PTPRM: variants seen among roughly 807,000 people sequenced by gnomAD.
PTPRM encodes the protein protein tyrosine phosphatase receptor type M, also known as receptor-type tyrosine-protein phosphatase mu.
A neutral mutation model predicts 186.7 loss-of-function variants in PTPRM; 47 were observed. That is an observed-to-expected ratio of 0.25 (90% CI 0.20 to 0.32). PTPRM has a LOEUF of 0.32. PTPRM is among the 10% of genes least tolerant of loss of function. The pLI is 1.00. For missense variants in PTPRM, 1,494 were observed against 1,865.0 expected, an observed-to-expected ratio of 0.80 and a Z score of 3.66; for synonymous variants, 668 against 674.9, an observed-to-expected ratio of 0.99 and a Z score of 0.16.
intron 1 of PTPRM, among the ~76,000 whole-genome samples, chr18:7,765,073 A>C (rs2041956182): frequency 6.6e-6 from 1 of 152,230 alleles, no homozygotes; most frequent in South Asian, 2.1e-4. Context: ...ATTTGGTTGC[A>C]TCTGTACAAT....
chr18:7,918,568 A>T (rs112378681), intron 4 of PTPRM, among the ~76,000 whole-genome samples: 1 of 152,124 alleles, frequency 6.6e-6, no homozygotes, highest in Non-Finnish European at 1.5e-5. Context: ...GCTCTTACTT[A>T]ACAACAGAAT....
intron 2 of PTPRM, among the ~76,000 whole-genome samples, chr18:7,856,119 A>G (rs918174383): frequency 1.8e-4 from 28 of 152,220 alleles, no homozygotes; most frequent in African/African-American, 6.7e-4. Flanking sequence ...CTGATTTGTA[A>G]TTAGTGAAGT....
At chr18:8,253,515 C>T (rs1177779305) in intron 19 of PTPRM, 101 bp downstream of exon 19, 7 of 1,102,606 alleles carry the variant, frequency 6.3e-6, no homozygotes, top group Non-Finnish European at 8.3e-6. Flanking sequence ...AAACCCCCTG[C>T]CCCGAGAGAT....
At chr18:8,084,099 C>G (rs2090301650) in intron 9 of PTPRM, among the ~76,000 whole-genome samples, 1 of 152,126 alleles carries the variant, frequency 6.6e-6, no homozygotes, top group Non-Finnish European at 1.5e-5. Context: ...TCTCCCCTTC[C>G]CCTACCAGAC....
At chr18:7,866,278 T>TA (rs1292186653) in intron 2 of PTPRM, among the ~76,000 whole-genome samples, 1 of 152,212 alleles carries the variant, frequency 6.6e-6, no homozygotes, top group Middle Eastern at 3.2e-3. Flanking sequence ...ATTGTGACGT[T>TA]AGAGTGTCCA....
At chr18:7,842,861 C>CATAT (rs57856136) in intron 2 of PTPRM, among the ~76,000 whole-genome samples, 4,319 of 80,760 alleles carry the variant, frequency 0.053, 291 homozygotes, top group East Asian at 0.17. Context: ...GAGAGAGAAA[C>CATAT]ATATATATAT....
At chr18:7,902,836 T>G (rs377412731) in intron 3 of PTPRM, among the ~76,000 whole-genome samples, 1 of 54,478 alleles carries the variant, frequency 1.8e-5, no homozygotes, top group African/African-American at 3.7e-5. Context: ...TTCTCTGCCT[T>G]TTTTTTTTTT....
chr18:8,252,497 A>G lies in PTPRM; in HGVS notation c.2564A>G (p.Asn855Ser), dbSNP rs763030438. The G allele has an allele frequency of 1.3e-6, 2 of 1,549,116 alleles. No homozygotes were observed. Among genetic ancestry groups the G allele is most frequent in the Non-Finnish European group, 1.8e-6 (2 of 1,120,872 alleles). The change falls in exon 18 of 33, where the codon AAT (asparagine) becomes AGT (serine). Residue 855 changes from asparagine to serine, a missense_variant and splice_region_variant. Physicochemically the swap from Asn to Ser is conservative, Grantham distance 46. Coordinates refer to ENST00000580170, the MANE Select transcript of PTPRM (RefSeq NM_001105244.2). ...FVPTAILVPI[N>S]DETHTMASDT... is the part of the protein sequence containing the mutation. ...TGTATCTTCTTAAAAGTGCCAATAAATGGTAAGTTCCCCGATTCGCCCCAT... is the reference window on the plus strand; with the variant it reads ...TGTATCTTCTTAAAAGTGCCAATAAGTGGTAAGTTCCCCGATTCGCCCCAT...
rs67547673 is a variant in PTPRM, at chr18:8,209,989, T to TAAAAAAA, written c.2301-34045_2301-34039dup. 5.2e-4 allele frequency among the ~76,000 whole-genome samples: 41 copies of TAAAAAAA among 78,704 alleles called. 2 individuals carry two copies. The highest frequency in any genetic ancestry group is 7.6e-4 in the Non-Finnish European group (31 of 41,042). The allele number at this position is 78,704 out of a possible 152,430, so 51.6% of individuals were successfully genotyped here. On this transcript the variant is annotated intron_variant, in intron 14 of 32. Transcript: ENST00000580170. ...TGTATCCCGGAACTTGAAGTAAAATTAAAAAAAAAAAAAAAAAAAAAAAAA... is the reference window on the plus strand; with the variant it reads ...TGTATCCCGGAACTTGAAGTAAAATTAAAAAAAAAAAAAAAAAAAAAAAAAAAAAAAA...
At chr18:7,937,741 G>C (rs1007074756) in intron 5 of PTPRM, among the ~76,000 whole-genome samples, 2 of 152,182 alleles carry the variant, frequency 1.3e-5, no homozygotes, top group East Asian at 3.9e-4. Context: ...GTCACTTACT[G>C]TCATCACCTA....
At chr18:7,685,649 T>C (rs963770368) in intron 1 of PTPRM, among the ~76,000 whole-genome samples, 1 of 152,198 alleles carries the variant, frequency 6.6e-6, no homozygotes, top group Non-Finnish European at 1.5e-5. Context: ...ACCATGTTGA[T>C]AGTTACCAAG....
intron 1 of PTPRM, among the ~76,000 whole-genome samples, chr18:7,655,180 T>C (rs1224138905): frequency 6.6e-6 from 1 of 152,150 alleles, no homozygotes. Context: ...TTGTTAGCTG[T>C]ATTCCTAGTT....
intron 23 of PTPRM, among the ~76,000 whole-genome samples, chr18:8,348,873 A>C (rs1036765194): frequency 8.5e-5 from 13 of 152,200 alleles, no homozygotes; most frequent in Admixed American, 2.6e-4. Flanking sequence ...AGTCACTCTG[A>C]ATAGTTCTGA....
At chr18:7,801,639 G>A (rs1383193662) in intron 2 of PTPRM, among the ~76,000 whole-genome samples, 2 of 152,100 alleles carry the variant, frequency 1.3e-5, no homozygotes, top group Non-Finnish European at 2.9e-5. Context: ...ATTATGTACT[G>A]TACATGATGC....
intron 1 of PTPRM, among the ~76,000 whole-genome samples, chr18:7,654,547 G>C (rs1269575143): frequency 6.6e-6 from 1 of 152,154 alleles, no homozygotes; most frequent in Non-Finnish European, 1.5e-5. Flanking sequence ...GTCCAGAATA[G>C]TATTGCCTAA....
At chr18:7,750,474 G>A (rs2041159088) in intron 1 of PTPRM, among the ~76,000 whole-genome samples, 7 of 152,140 alleles carry the variant, frequency 4.6e-5, no homozygotes, top group Middle Eastern at 3.2e-3. Context: ...GTGCAGCTGC[G>A]GATAGAATAA....
chr18:8,216,720 G>T (rs1409292001), intron 14 of PTPRM, among the ~76,000 whole-genome samples: 3 of 152,150 alleles, frequency 2.0e-5, no homozygotes, highest in African/African-American at 7.2e-5. Flanking sequence ...ATTTCCATGG[G>T]GCATGCCTAG....
At chr18:7,639,360 G>A (rs1363966043) in intron 1 of PTPRM, among the ~76,000 whole-genome samples, 6 of 149,226 alleles carry the variant, frequency 4.0e-5, no homozygotes, top group South Asian at 2.1e-4. Flanking sequence ...GTGAGCCACC[G>A]CACCCAGCCT....
At chr18:7,621,287 C>A (rs1194783083) in intron 1 of PTPRM, among the ~76,000 whole-genome samples, 1 of 152,154 alleles carries the variant, frequency 6.6e-6, no homozygotes, top group East Asian at 1.9e-4. Context: ...ATGTTTGAAA[C>A]TCTGTTAAAT....
Sources: gnomAD v4.1 joint callset for allele counts (sites outside exome capture counted in the v4.1 genomes callset) on GRCh38, gnomAD v4.1.1 for gene constraint, MANE v1.5 for transcripts, NCBI Gene and HGNC (gene_info 2026-07-23, HGNC 2026-07-21) for gene names.